Variants in PPARGC1A observed in about 807,000 individuals in gnomAD.
PPARGC1A encodes the protein PPARG coactivator 1 alpha.
In PPARGC1A, 25 loss-of-function variants were observed where a neutral mutation model predicts 88.7. The observed-to-expected ratio is 0.28, with a 90% CI of 0.21 to 0.39. PPARGC1A has a LOEUF of 0.39. Among genes scored for constraint, PPARGC1A ranks in the 10% least tolerant of loss-of-function variants. The pLI, the probability that PPARGC1A is intolerant of heterozygous loss-of-function variation, is 1.00. For missense variants in PPARGC1A, 880 were observed against 968.7 expected, an observed-to-expected ratio of 0.91 and a Z score of 1.22; for synonymous variants, 363 against 355.6, an observed-to-expected ratio of 1.02 and a Z score of -0.24.
the PPARGC1A span, among the ~76,000 whole-genome samples, chr4:24,394,464 A>G: frequency 6.6e-6 from 1 of 152,192 alleles, no homozygotes; most frequent in East Asian, 1.9e-4. Context: ...CTAAGAAGTC[A>G]TTTCAGGTAG....
At chr4:24,211,101 A>T in the PPARGC1A span, among the ~76,000 whole-genome samples, 14 of 152,230 alleles carry the variant, frequency 9.2e-5, no homozygotes, top group Non-Finnish European at 2.9e-5. Context: ...GGGCACAGGC[A>T]AGAACTTTTT....
At chr4:24,304,342 G>C in the PPARGC1A span, among the ~76,000 whole-genome samples, 2 of 152,288 alleles carry the variant, frequency 1.3e-5, no homozygotes, top group South Asian at 4.1e-4. Context: ...ATTATAACTT[G>C]TGAGAATGGG....
At chr4:24,314,205 TG>T in the PPARGC1A span, among the ~76,000 whole-genome samples, 1 of 152,238 alleles carries the variant, frequency 6.6e-6, no homozygotes, top group Non-Finnish European at 1.5e-5. Flanking sequence ...AGGAACGGAC[TG>T]AGCATTTCAC....
rs758937680 is a variant in PPARGC1A at position 23,829,436 on chromosome 4, C to T, written c.552+27G>A. Reference sequence around the variant, plus strand: ...AGCCAAAATCCTTTGGTACATCCCCCCTGTATTAAAAAATTTACATTTGTA... The same window carrying T: ...AGCCAAAATCCTTTGGTACATCCCCTCTGTATTAAAAAATTTACATTTGTA... On this transcript the variant is annotated intron_variant, in intron 4 of 12. Coordinates refer to ENST00000264867, the MANE Select transcript of PPARGC1A (RefSeq NM_013261.5). The T allele has an allele frequency of 2.5e-6, 4 of 1,609,014 alleles. No individual in the cohort carries two copies. In the East Asian group the frequency reaches 8.9e-5, roughly 36 times the overall value.
chr4:23,894,897 C>G (rs1018602780), upstream of PPARGC1A, among the ~76,000 whole-genome samples: 7 of 151,924 alleles, frequency 4.6e-5, no homozygotes, highest in Admixed American at 2.0e-4. Context: ...TTAATTATTC[C>G]AGGTTAATTT....
At chr4:23,926,824 T>C in the PPARGC1A span, among the ~76,000 whole-genome samples, 19 of 152,368 alleles carry the variant, frequency 1.2e-4, no homozygotes, top group African/African-American at 4.6e-4. Context: ...CATCTACTAC[T>C]GCACCCAGCA....
At chr4:24,337,613 T>G in the PPARGC1A span, among the ~76,000 whole-genome samples, 1 of 151,572 alleles carries the variant, frequency 6.6e-6, no homozygotes, top group Non-Finnish European at 1.5e-5. Flanking sequence ...ACAGTTACTC[T>G]TTCCTCTGTA....
chr4:23,912,063 A>G, the PPARGC1A span, among the ~76,000 whole-genome samples: 1 of 152,244 alleles, frequency 6.6e-6, no homozygotes, highest in African/African-American at 2.4e-5. Flanking sequence ...GATATCCAAT[A>G]TGAGAAATGA....
the PPARGC1A span, among the ~76,000 whole-genome samples, chr4:23,925,169 T>C: frequency 6.6e-6 from 1 of 152,226 alleles, no homozygotes; most frequent in Admixed American, 6.5e-5. Flanking sequence ...GATCTTTTAC[T>C]GACCCATTGT....
the PPARGC1A span, among the ~76,000 whole-genome samples, chr4:24,356,674 T>C: frequency 6.6e-6 from 1 of 152,218 alleles, no homozygotes; most frequent in Non-Finnish European, 1.5e-5. Flanking sequence ...CACAGTCTCC[T>C]TGTTCATACC....
intron 2 of PPARGC1A, among the ~76,000 whole-genome samples, chr4:23,881,482 G>A (rs1044935208): frequency 1.3e-5 from 2 of 152,094 alleles, no homozygotes; most frequent in Admixed American, 6.5e-5. Flanking sequence ...AGTTTGTGAT[G>A]TTAAATAAAA....
At chr4:24,461,358 T>G in the PPARGC1A span, among the ~76,000 whole-genome samples, 1 of 152,230 alleles carries the variant, frequency 6.6e-6, no homozygotes, top group Non-Finnish European at 1.5e-5. Context: ...CAGGAAAGAC[T>G]CTGCCTCCTT....
At chr4:24,181,840 G>C in the PPARGC1A span, among the ~76,000 whole-genome samples, 3 of 151,916 alleles carry the variant, frequency 2.0e-5, no homozygotes, top group Non-Finnish European at 4.4e-5. Context: ...GCTAATAAGC[G>C]GTACCTGGCT....
At chr4:24,112,508 A>G in the PPARGC1A span, among the ~76,000 whole-genome samples, 4 of 152,220 alleles carry the variant, frequency 2.6e-5, no homozygotes, top group African/African-American at 9.6e-5. Flanking sequence ...TAAGTTGGCA[A>G]GTAGGCCATT....
chr4:24,233,345 TTCTC>T, the PPARGC1A span, among the ~76,000 whole-genome samples: 6 of 151,932 alleles, frequency 3.9e-5, no homozygotes, highest in South Asian at 4.2e-4. Flanking sequence ...TACTAAAGAG[TTCTC>T]TCTCTGTCTT....
At chr4:24,238,006 T>C in the PPARGC1A span, among the ~76,000 whole-genome samples, 29 of 152,324 alleles carry the variant, frequency 1.9e-4, no homozygotes, top group Non-Finnish European at 3.4e-4. Flanking sequence ...AGCTTCCACG[T>C]GGATGAGGAA....
chr4:24,008,221 C>T, the PPARGC1A span, among the ~76,000 whole-genome samples: 1 of 152,094 alleles, frequency 6.6e-6, no homozygotes, highest in Non-Finnish European at 1.5e-5. Context: ...CCTATTGTAC[C>T]CCTGGCTTGA....
intron 2 of PPARGC1A, among the ~76,000 whole-genome samples, chr4:23,851,811 G>A (rs1335844847): frequency 6.6e-6 from 1 of 152,140 alleles, no homozygotes; most frequent in East Asian, 1.9e-4. Context: ...AACTTTTGCT[G>A]TATGCTGTGT....
chr4:24,354,605 G>A, the PPARGC1A span, among the ~76,000 whole-genome samples: 2 of 152,170 alleles, frequency 1.3e-5, no homozygotes, highest in Non-Finnish European at 2.9e-5. Flanking sequence ...CCACCCTTTT[G>A]GCTGGGTGCG....
Sources: gnomAD v4.1 joint callset for allele counts (sites outside exome capture counted in the v4.1 genomes callset) on GRCh38, gnomAD v4.1.1 for gene constraint, MANE v1.5 for transcripts, NCBI Gene and HGNC (gene_info 2026-07-23, HGNC 2026-07-21) for gene names.